The following TSC22D2 variants were observed in gnomAD, a reference collection of about 807,000 sequenced individuals.
The protein encoded by TSC22D2 is TSC22 domain family protein 2.
In TSC22D2, 5 loss-of-function variants were observed where a neutral mutation model predicts 50.1. The ratio of observed to expected loss-of-function variants is 0.10; its 90% CI spans 0.05 to 0.21. The LOEUF (loss-of-function observed/expected upper bound fraction) is 0.21. TSC22D2 is among the 10% of genes least tolerant of loss of function. TSC22D2 has a pLI of 1.00. For missense variants in TSC22D2, 1,003 were observed against 1,015.5 expected (o/e 0.99, Z 0.17); for synonymous variants, 501 against 450.1 (o/e 1.11, Z -1.43).
chr3:150,455,228 T>A (rs984533156), intron 1 of TSC22D2, among the ~76,000 whole-genome samples: 8 of 152,200 alleles, frequency 5.3e-5, no homozygotes, highest in African/African-American at 1.9e-4. Flanking sequence ...TCAGTATTTG[T>A]GGTGAATATG....
chr3:150,419,379 A>T (rs887095564), intron 1 of TSC22D2, among the ~76,000 whole-genome samples: 1 of 152,042 alleles, frequency 6.6e-6, no homozygotes, highest in Non-Finnish European at 1.5e-5. Flanking sequence ...ATAGCCACTG[A>T]TTTGTTGTAT....
chr3:150,445,784 AC>A (rs1293132071), intron 1 of TSC22D2, among the ~76,000 whole-genome samples: 1 of 152,138 alleles, frequency 6.6e-6, no homozygotes, highest in Non-Finnish European at 1.5e-5. Flanking sequence ...TGCTAGGATC[AC>A]CCCACTAGTA....
chr3:150,426,805 C>T (rs1720206949), intron 1 of TSC22D2, among the ~76,000 whole-genome samples: 1 of 151,960 alleles, frequency 6.6e-6, no homozygotes, highest in African/African-American at 2.4e-5. Context: ...GTAAGTTTAT[C>T]CTAAATTTTT....
Position 150,465,211 on chromosome 3 carries a change from T to G in TSC22D2, c.*6575T>G, listed in dbSNP as rs1211278647. The G allele has an allele frequency of 1.3e-5, 2 of 152,214 alleles. No individual in the cohort carries two copies. The highest frequency in any genetic ancestry group is 1.3e-4 in the Admixed American group (2 of 15,272). The allele number at this position is 152,214 out of a possible 1,614,324, so 9.4% of individuals were successfully genotyped here. A position where few individuals can be genotyped will look rare whatever the true frequency, so the allele number is the denominator to read the frequency against. Reference sequence around the variant, plus strand: ...ATTCTAGCTAGACTAGCAGTTAGTCTTCTACTTTTTGGTTACTCCCTTTTA... The same window carrying G: ...ATTCTAGCTAGACTAGCAGTTAGTCGTCTACTTTTTGGTTACTCCCTTTTA... On this transcript the variant is annotated 3_prime_UTR_variant, in exon 3 of 3. Coordinates refer to ENST00000688009, the MANE Select transcript of TSC22D2 (RefSeq NM_001303264.2).
At chr3:150,458,095 CT>C (rs371897360) in intron 2 of TSC22D2, among the ~76,000 whole-genome samples, 3,665 of 144,934 alleles carry the variant, frequency 0.025, 126 homozygotes, top group African/African-American at 0.08. Context: ...TGATTTTAAA[CT>C]TTTTTTTTTT....
At chr3:150,442,093 T>G (rs1209029895) in intron 1 of TSC22D2, among the ~76,000 whole-genome samples, 3 of 152,210 alleles carry the variant, frequency 2.0e-5, no homozygotes, top group Non-Finnish European at 4.4e-5. Context: ...TCGTTTAAGT[T>G]TTCTAATGTG....
At chr3:150,445,845 C>T (rs949165150) in intron 1 of TSC22D2, among the ~76,000 whole-genome samples, 3 of 152,108 alleles carry the variant, frequency 2.0e-5, no homozygotes, top group South Asian at 2.1e-4. Flanking sequence ...CCTGTAATTC[C>T]AGCACTTTGG....
intron 1 of TSC22D2, among the ~76,000 whole-genome samples, chr3:150,429,011 A>G (rs1720289458): frequency 6.6e-6 from 1 of 152,204 alleles, no homozygotes; most frequent in South Asian, 2.1e-4. Flanking sequence ...AAATGGAAGT[A>G]CAAGCATTGG....
intron 1 of TSC22D2, among the ~76,000 whole-genome samples, chr3:150,422,344 A>G (rs571589753): frequency 1.4e-4 from 21 of 152,196 alleles, no homozygotes; most frequent in South Asian, 2.1e-4. Flanking sequence ...ATAGTCCAGA[A>G]GAGCCCATCA....
chr3:150,419,039 C>A (rs1056093306), intron 1 of TSC22D2, among the ~76,000 whole-genome samples: 12 of 152,008 alleles, frequency 7.9e-5, no homozygotes, highest in African/African-American at 2.9e-4. Context: ...TGTTGAGATA[C>A]TCTACCAAAA....
In TSC22D2 at chr3:150,458,963, AT is replaced by A. The variant is rs1489817192; in HGVS notation, c.*330del. ...CTCCCATGTTTCCTATTACCCATGG[AT>A]TTACCCTGAGCCTTCCTATCACATT... is the stretch of plus-strand genomic sequence containing the variant. On this transcript the variant is annotated 3_prime_UTR_variant, in exon 3 of 3. Transcript: ENST00000688009. 8.9e-6 allele frequency: 2 copies of A among 224,264 alleles called. No individual in the cohort carries two copies. The highest frequency in any genetic ancestry group is 1.7e-5 in the Non-Finnish European group (2 of 114,314). 13.9% of individuals were successfully genotyped at this position (224,264 alleles called of 1,614,324 possible).
At chr3:150,431,327 C>G (rs1441491671) in intron 1 of TSC22D2, among the ~76,000 whole-genome samples, 1 of 150,530 alleles carries the variant, frequency 6.6e-6, no homozygotes, top group African/African-American at 2.4e-5. Flanking sequence ...TATTCTCTTA[C>G]CAACAATATA....
Position 150,460,888 on chromosome 3 carries a change from T to C in TSC22D2, c.*2252T>C, listed in dbSNP as rs1721378138. The C allele has an allele frequency of 6.6e-6, 1 of 152,178 alleles. No individual in the cohort carries two copies. Among genetic ancestry groups the C allele is most frequent in the African/African-American group, 2.4e-5 (1 of 41,436 alleles). The allele number at this position is 152,178 out of a possible 1,614,324, so 9.4% of individuals were successfully genotyped here. Reference sequence around the variant, plus strand: ...CTCCAAGGAAATGAATAATAAGGTTTAAAATGGTAACAGCAGTTATTACTA... The same window carrying C: ...CTCCAAGGAAATGAATAATAAGGTTCAAAATGGTAACAGCAGTTATTACTA... On this transcript the variant is annotated 3_prime_UTR_variant, in exon 3 of 3. Coordinates refer to ENST00000688009, the MANE Select transcript of TSC22D2 (RefSeq NM_001303264.2).
At chr3:150,423,150 A>G in intron 1 of TSC22D2, 2 of 1,526,302 alleles carry the variant, frequency 1.3e-6, no homozygotes, top group South Asian at 1.2e-5. Context: ...GAATGCATAC[A>G]TGCAAAACTG....
Position 150,458,534 on chromosome 3 carries a change from C to G in TSC22D2, c.2169C>G (p.Thr723=), listed in dbSNP as rs768786468. 3.7e-6 allele frequency: 6 copies of G among 1,614,024 alleles called. No homozygotes were observed. In the African/African-American group the frequency reaches 8.0e-5, roughly 22 times the overall value. The stretch of plus-strand genomic sequence containing the variant: ...ATGATCAATTATCCCAACTCCCAAC[C>G]CAACAGGCCAATCCTGGTAGCACTT... The part of the protein sequence containing the change: ...SSNDQLSQLP[T]QQANPGSTSQ... The change falls in exon 3 of 3, where the codon ACC becomes ACG. Residue 723 remains threonine, a synonymous_variant. Transcript: ENST00000688009.
chr3:150,431,483 T>C (rs1189518421), intron 1 of TSC22D2, among the ~76,000 whole-genome samples: 2 of 152,144 alleles, frequency 1.3e-5, no homozygotes, highest in Non-Finnish European at 2.9e-5. Context: ...GTTCACCAAT[T>C]ATACTTAATT....
At chr3:150,442,500 TTGTG>T (rs1720749219) in intron 1 of TSC22D2, among the ~76,000 whole-genome samples, 1 of 152,244 alleles carries the variant, frequency 6.6e-6, no homozygotes, top group Non-Finnish European at 1.5e-5. Context: ...TCAGTGTTTC[TTGTG>T]TATTTCATGA....
Position 150,457,137 on chromosome 3 carries a change from AG to A in TSC22D2, c.2010+11del. The A allele has an allele frequency of 2.7e-5, 44 of 1,609,736 alleles. No individual in the cohort carries two copies. The highest frequency in any genetic ancestry group is 3.7e-5 in the Non-Finnish European group (44 of 1,178,504). Reference sequence around the variant, plus strand: ...AATAGAACAAGCAATGGTAAGTAAAAGTTTACAGTTCTCCCATTTCATAGAT... The same window carrying A: ...AATAGAACAAGCAATGGTAAGTAAAATTTACAGTTCTCCCATTTCATAGAT... On this transcript the variant is annotated intron_variant, in intron 2 of 2. Transcript: ENST00000688009.
At chr3:150,412,708 T>G (rs982919444) in intron 1 of TSC22D2, among the ~76,000 whole-genome samples, 4 of 152,170 alleles carry the variant, frequency 2.6e-5, no homozygotes, top group Non-Finnish European at 5.9e-5. Flanking sequence ...TTGAGAAATT[T>G]TGTGTGTGTG....
Sources: allele counts gnomAD v4.1 joint callset (sites outside exome capture counted in the v4.1 genomes callset), GRCh38; gene constraint gnomAD v4.1.1; transcripts MANE v1.5; gene names NCBI Gene and HGNC (gene_info 2026-07-23, HGNC 2026-07-21).